Variants in SLC2A13 observed in about 807,000 individuals in gnomAD.
SLC2A13 encodes the protein proton myo-inositol cotransporter.
Under a neutral mutation model 64.4 loss-of-function variants are expected in SLC2A13, and 32 were observed. That is an observed-to-expected ratio of 0.50 (90% CI 0.37 to 0.67). The LOEUF is 0.67. Among genes scored for constraint, SLC2A13 ranks in the 30% least tolerant of loss-of-function variants. SLC2A13 has a pLI of 0.00. For missense variants in SLC2A13, 743 were observed against 829.2 expected, an observed-to-expected ratio of 0.90 and a Z score of 1.28; for synonymous variants, 338 against 327.1, an observed-to-expected ratio of 1.03 and a Z score of -0.36.
In SLC2A13 at chr12:39,830,204, A is replaced by T; in HGVS notation, c.1344T>A (p.Asp448Glu). ...RYSYCNECML[D>E]PDCGFCYKMN... The stretch of plus-strand genomic sequence containing the variant: ...TCTTGTAGCAGAAACCGCAGTCTGG[A>T]TCCAACATACATTCATTACAGTAAC... Residue 448 changes from aspartate to glutamate, a missense_variant, in exon 7 of 10, where the codon GAT becomes GAA. Coordinates refer to ENST00000280871, the MANE Select transcript of SLC2A13 (RefSeq NM_052885.4). 5 of 1,613,572 alleles carry T rather than the reference A, an allele frequency of 3.1e-6. No individual in the cohort carries two copies. The highest frequency in any genetic ancestry group is 4.2e-6 in the Non-Finnish European group (5 of 1,179,700).
intron 1 of SLC2A13, among the ~76,000 whole-genome samples, chr12:40,100,249 A>G (rs1206090464): frequency 1.3e-5 from 2 of 152,234 alleles, no homozygotes; most frequent in Admixed American, 1.3e-4. Context: ...GATTAATTCA[A>G]CGAATCCCGT....
chr12:39,789,732 C>A (rs959278631), intron 7 of SLC2A13, among the ~76,000 whole-genome samples: 2 of 152,072 alleles, frequency 1.3e-5, no homozygotes, highest in Non-Finnish European at 2.9e-5. Context: ...TATCCATTAA[C>A]CTAGTTGATA....
chr12:40,010,262 C>G (rs567894693), intron 3 of SLC2A13, among the ~76,000 whole-genome samples: 22 of 152,248 alleles, frequency 1.4e-4, no homozygotes, highest in Non-Finnish European at 2.4e-4. Context: ...TTGTTTGGAT[C>G]TGCAAGTGAG....
In SLC2A13 at chr12:40,106,055, C is replaced by T. The variant is rs1592088389; in HGVS notation, c.-247G>A. The T allele has an allele frequency of 2.7e-6, 1 of 365,254 alleles. No individual in the cohort carries two copies. Among genetic ancestry groups the T allele is most frequent in the East Asian group, 4.4e-5 (1 of 22,600 alleles). The allele number at this position is 365,254 out of a possible 1,614,324, so 22.6% of individuals were successfully genotyped here. A position where few individuals can be genotyped will look rare whatever the true frequency, so the allele number is the denominator to read the frequency against. ...CTCACTCCACACTCACGCCCCGCGC[C>T]TGCCGAGCTGGCGCTGCGGAGCGGG... On this transcript the variant is annotated 5_prime_UTR_variant, in exon 1 of 10. Coordinates refer to ENST00000280871, the MANE Select transcript of SLC2A13 (RefSeq NM_052885.4).
intron 2 of SLC2A13, among the ~76,000 whole-genome samples, chr12:40,047,696 A>G (rs1363650814): frequency 6.6e-6 from 1 of 152,234 alleles, no homozygotes. Context: ...TGTTAGTTAT[A>G]TCTGTAGTTC....
chr12:39,875,629 G>T (rs937803325), intron 4 of SLC2A13, among the ~76,000 whole-genome samples: 1 of 152,198 alleles, frequency 6.6e-6, no homozygotes, highest in South Asian at 2.1e-4. Context: ...AGGAATGAAA[G>T]ACAAGGACAT....
intron 3 of SLC2A13, among the ~76,000 whole-genome samples, chr12:39,961,856 C>T (rs1032609048): frequency 1.3e-5 from 2 of 151,728 alleles, no homozygotes; most frequent in African/African-American, 4.8e-5. Context: ...TGGAAAGCTG[C>T]GGCACAATCA....
At chr12:40,074,568 C>A (rs1355268064) in intron 1 of SLC2A13, among the ~76,000 whole-genome samples, 1 of 152,138 alleles carries the variant, frequency 6.6e-6, no homozygotes, top group Non-Finnish European at 1.5e-5. Flanking sequence ...TCTGTCCTTG[C>A]AAGCTATTTT....
chr12:40,098,126 G>T (rs1259140147), intron 1 of SLC2A13, among the ~76,000 whole-genome samples: 1 of 150,674 alleles, frequency 6.6e-6, no homozygotes, highest in Non-Finnish European at 1.5e-5. Flanking sequence ...TGTATATATA[G>T]GTGTGTATAT....
chr12:39,871,910 A>C lies in SLC2A13; in HGVS notation c.1086T>G (p.Leu362=), dbSNP rs1944066282. The C allele has an allele frequency of 1.2e-6, 2 of 1,610,914 alleles. No homozygotes were observed. Among genetic ancestry groups the C allele is most frequent in the Admixed American group, 3.4e-5 (2 of 59,462 alleles). ...LQMSGVEDDR[L]AIWLASVTAF... ...CTGTAACTGAAGCCAGCCATATTGC[A>C]AGTCTATCATCTTCAACACCAGACA... is the stretch of plus-strand genomic sequence containing the variant. Residue 362 remains leucine (L), a synonymous_variant, in exon 5 of 10, where the codon CTT becomes CTG. Coordinates refer to ENST00000280871, the MANE Select transcript of SLC2A13 (RefSeq NM_052885.4).
chr12:40,004,974 G>A (rs1247946113), intron 3 of SLC2A13, among the ~76,000 whole-genome samples: 2 of 152,170 alleles, frequency 1.3e-5, no homozygotes, highest in Non-Finnish European at 2.9e-5. Flanking sequence ...AGGCAGAGGA[G>A]GGGTTGGTCT....
chr12:39,868,139 A>C (rs956000289), intron 5 of SLC2A13, among the ~76,000 whole-genome samples: 1 of 152,162 alleles, frequency 6.6e-6, no homozygotes, highest in African/African-American at 2.4e-5. Flanking sequence ...TACAACCTGG[A>C]TTTGAGTCTA....
At chr12:39,828,069 C>G (rs976827056) in intron 7 of SLC2A13, among the ~76,000 whole-genome samples, 1 of 152,038 alleles carries the variant, frequency 6.6e-6, no homozygotes, top group Non-Finnish European at 1.5e-5. Context: ...AATCAACCAA[C>G]AAAAATACTA....
At chr12:40,079,433 T>C (rs994107049) in intron 1 of SLC2A13, among the ~76,000 whole-genome samples, 2 of 152,186 alleles carry the variant, frequency 1.3e-5, no homozygotes, top group African/African-American at 4.8e-5. Context: ...ATCTTCTTGG[T>C]ATTGATTTCT....
chr12:39,952,699 G>C (rs545629240), intron 3 of SLC2A13, among the ~76,000 whole-genome samples: 1 of 152,148 alleles, frequency 6.6e-6, no homozygotes, highest in Non-Finnish European at 1.5e-5. Flanking sequence ...TAAATGTAGT[G>C]ACGATCCATT....
In SLC2A13 at chr12:40,025,457, C is replaced by T. The variant is rs78664993; in HGVS notation, c.925+2844G>A. On this transcript the variant is annotated intron_variant, in intron 3 of 9. Transcript: ENST00000280871. ...TATGAAAAGAGAAGGATCACATATG[C>T]AAGTGCCATAACCGTCACAAGTCAC... is the stretch of plus-strand genomic sequence containing the variant. Among the ~76,000 whole-genome samples the T allele has an allele frequency of 5.9e-5, 9 of 152,292 alleles. 1 individual carries two copies. In the East Asian group the frequency reaches 1.7e-3, roughly 29 times the overall value.
At chr12:39,888,034 C>T (rs1944512223) in intron 4 of SLC2A13, among the ~76,000 whole-genome samples, 1 of 152,158 alleles carries the variant, frequency 6.6e-6, no homozygotes, top group South Asian at 2.1e-4. Context: ...CTCTATTAGA[C>T]TGATCTGGCA....
intron 7 of SLC2A13, among the ~76,000 whole-genome samples, chr12:39,808,802 C>G (rs1329642827): frequency 6.6e-6 from 1 of 151,938 alleles, no homozygotes; most frequent in Admixed American, 6.6e-5. Context: ...TGTAAGAATT[C>G]TTTATTCATA....
intron 7 of SLC2A13, among the ~76,000 whole-genome samples, chr12:39,813,740 G>A (rs1015033987): frequency 1.3e-5 from 2 of 152,042 alleles, no homozygotes; most frequent in South Asian, 2.1e-4. Context: ...CTTGAAACAC[G>A]GCTGCAGCCA....
Sources: allele counts gnomAD v4.1 joint callset (sites outside exome capture counted in the v4.1 genomes callset), GRCh38; gene constraint gnomAD v4.1.1; transcripts MANE v1.5; gene names NCBI Gene and HGNC (gene_info 2026-07-23, HGNC 2026-07-21).